Variants in GRIA2 observed in about 807,000 individuals in gnomAD.
GRIA2 encodes the protein glutamate receptor 2.
A neutral mutation model predicts 97.3 loss-of-function variants in GRIA2; 14 were observed. The ratio of observed to expected loss-of-function variants is 0.14; its 90% CI spans 0.10 to 0.23. The LOEUF (loss-of-function observed/expected upper bound fraction) is 0.23. GRIA2 is among the 10% of genes least tolerant of loss of function. The probability of loss-of-function intolerance (pLI) is 1.00; values close to 1 mark genes in which losing one functional copy is unlikely to be tolerated. For synonymous variants in GRIA2, 412 were observed against 387.8 expected, an observed-to-expected ratio of 1.06 and a Z score of -0.73; for missense variants, 558 against 1,069.8, an observed-to-expected ratio of 0.52 and a Z score of 6.67.
chr4:157,352,299 T>C (rs934021287), intron 12 of GRIA2, among the ~76,000 whole-genome samples: 21 of 152,226 alleles, frequency 1.4e-4, no homozygotes, highest in African/African-American at 5.1e-4. Context: ...TAATGAGCTA[T>C]GCTAACTTAG....
chr4:157,220,798 A>G lies in GRIA2; in HGVS notation c.-245A>G, dbSNP rs368100833. ...TGGGACCACAGCGGCAGCTCCGCTG[A>G]AAACTGCATTCAGCCAGTCCTCCGG... is the stretch of plus-strand genomic sequence containing the variant. On this transcript the variant is annotated 5_prime_UTR_variant, in exon 1 of 16. Transcript: ENST00000264426. 8.1e-4 allele frequency: 445 copies of G among 549,048 alleles called. 1 individual carries two copies. Among genetic ancestry groups the G allele is most frequent in the East Asian group, 5.3e-3 (171 of 32,022 alleles). 34.0% of individuals were successfully genotyped at this position (549,048 alleles called of 1,614,324 possible). A position where few individuals can be genotyped will look rare whatever the true frequency, so the allele number is the denominator to read the frequency against.
intron 11 of GRIA2, among the ~76,000 whole-genome samples, chr4:157,338,193 C>T (rs146264415): frequency 2.0e-5 from 3 of 151,456 alleles, no homozygotes; most frequent in East Asian, 2.0e-4. Flanking sequence ...ATTGGGGTCT[C>T]GGAGAACATT....
intron 2 of GRIA2, among the ~76,000 whole-genome samples, chr4:157,277,627 G>A (rs576997184): frequency 6.6e-6 from 1 of 151,286 alleles, no homozygotes; most frequent in Non-Finnish European, 1.5e-5. Flanking sequence ...TAGAAAATCT[G>A]TATGACCTGA....
chr4:157,355,970 AAT>A (rs1491203351), intron 12 of GRIA2, among the ~76,000 whole-genome samples: 24 of 4,228 alleles, frequency 5.7e-3, no homozygotes, highest in East Asian at 0.018. Flanking sequence ...TATGTATATT[AAT>A]ATATATATTT....
intron 2 of GRIA2, among the ~76,000 whole-genome samples, chr4:157,276,330 A>C (rs1365700659): frequency 2.6e-5 from 4 of 152,122 alleles, no homozygotes; most frequent in Non-Finnish European, 5.9e-5. Flanking sequence ...ATTTTAAAAT[A>C]TTTTGAAAAT....
At chr4:157,349,868 T>G (rs1313075786) in intron 12 of GRIA2, among the ~76,000 whole-genome samples, 4 of 152,146 alleles carry the variant, frequency 2.6e-5, no homozygotes, top group Admixed American at 6.5e-5. Context: ...AAAAGCCAAC[T>G]CTCACATTGC....
At chr4:157,248,754 C>A (rs1730881926) in intron 2 of GRIA2, among the ~76,000 whole-genome samples, 1 of 126,546 alleles carries the variant, frequency 7.9e-6, no homozygotes, top group Admixed American at 8.3e-5. Context: ...TATATACCGA[C>A]CATGGCAGAG....
At position 157,221,174 on chromosome 4, in the gene GRIA2, G is replaced by A. The variant is rs371161251; in HGVS notation, c.88+44G>A. On this transcript the variant is annotated intron_variant, in intron 1 of 15. Coordinates refer to ENST00000264426, the MANE Select transcript of GRIA2 (RefSeq NM_001083619.3). ...ATGCTTTTGAATTGTGCATAATTTG[G>A]TGGTAATCTTTGTTCACAGTGTACA... 17 of 976,220 alleles carry A rather than the reference G, an allele frequency of 1.7e-5. No homozygotes were observed. In the African/African-American group the frequency reaches 2.7e-4, roughly 16 times the overall value. The allele number at this position is 976,220 out of a possible 1,614,324, so 60.5% of individuals were successfully genotyped here. A position where few individuals can be genotyped will look rare whatever the true frequency, so the allele number is the denominator to read the frequency against.
chr4:157,333,184 T>C, intron 7 of GRIA2, 65 bp from the exon 8 acceptor site: 1 of 985,552 alleles, frequency 1.0e-6, no homozygotes, highest in East Asian at 2.4e-5. Flanking sequence ...TAAAGTAATC[T>C]GTACAGTGTA....
chr4:157,335,942 T>C, intron 10 of GRIA2, 65 bp downstream of exon 10: 1 of 1,016,704 alleles, frequency 9.8e-7, no homozygotes, highest in Non-Finnish European at 1.5e-6. Flanking sequence ...GACTGCTTCC[T>C]CTCCCTGTGA....
intron 2 of GRIA2, among the ~76,000 whole-genome samples, chr4:157,268,398 G>T (rs1463979729): frequency 6.6e-6 from 1 of 151,970 alleles, no homozygotes; most frequent in South Asian, 2.1e-4. Context: ...ACCTAAATGT[G>T]TGTCCTTGAG....
intron 6 of GRIA2, among the ~76,000 whole-genome samples, chr4:157,332,618 A>G (rs1579370723): frequency 6.6e-6 from 1 of 151,984 alleles, no homozygotes; most frequent in East Asian, 1.9e-4. Context: ...GAAAATGTTT[A>G]GAGTCAGGAG....
At chr4:157,223,914 A>C (rs1729627305) in intron 2 of GRIA2, among the ~76,000 whole-genome samples, 1 of 152,204 alleles carries the variant, frequency 6.6e-6, no homozygotes. Context: ...GACTGTGATT[A>C]GGTTATTAGG....
At chr4:157,238,028 T>C (rs1048841818) in intron 2 of GRIA2, among the ~76,000 whole-genome samples, 1 of 152,142 alleles carries the variant, frequency 6.6e-6, no homozygotes, top group African/African-American at 2.4e-5. Flanking sequence ...GACCGCAATC[T>C]ATATGCAATA....
intron 12 of GRIA2, among the ~76,000 whole-genome samples, chr4:157,355,152 T>C (rs1736190299): frequency 6.6e-6 from 1 of 152,180 alleles, no homozygotes; most frequent in South Asian, 2.1e-4. Flanking sequence ...CTTGTCTCAA[T>C]GTCATCCTGA....
chr4:157,237,568 C>T (rs1730310735), intron 2 of GRIA2, among the ~76,000 whole-genome samples: 3 of 152,096 alleles, frequency 2.0e-5, no homozygotes, highest in Admixed American at 2.0e-4. Context: ...GTGTGAGCCA[C>T]TGCACTTGGC....
At chr4:157,232,344 G>A (rs371887399) in intron 2 of GRIA2, among the ~76,000 whole-genome samples, 20 of 152,240 alleles carry the variant, frequency 1.3e-4, no homozygotes, top group Admixed American at 6.5e-4. Flanking sequence ...GGGTGTGTGT[G>A]CTTTGCTAGG....
chr4:157,247,391 TGG>T (rs896006035), intron 2 of GRIA2, among the ~76,000 whole-genome samples: 19 of 152,064 alleles, frequency 1.2e-4, no homozygotes, highest in Non-Finnish European at 2.5e-4. Flanking sequence ...TGTGTAAATG[TGG>T]GGGTAGAAAA....
chr4:157,305,846 G>A (rs1012893037), intron 3 of GRIA2, among the ~76,000 whole-genome samples: 1 of 152,052 alleles, frequency 6.6e-6, no homozygotes, highest in African/African-American at 2.4e-5. Context: ...TCCAGGGACT[G>A]TCTTAGTGTC....
Sources: gnomAD v4.1 joint callset for allele counts (sites outside exome capture counted in the v4.1 genomes callset) on GRCh38, gnomAD v4.1.1 for gene constraint, MANE v1.5 for transcripts, NCBI Gene and HGNC (gene_info 2026-07-23, HGNC 2026-07-21) for gene names.